AKT3: variants seen among roughly 807,000 people sequenced by gnomAD.
The protein encoded by AKT3 is AKT serine/threonine kinase 3.
Under a neutral mutation model 65.3 loss-of-function variants are expected in AKT3, and 15 were observed. The observed-to-expected ratio is 0.23, with a 90% confidence interval of 0.15 to 0.35. The LOEUF (loss-of-function observed/expected upper bound fraction) is 0.35, where lower values mean the gene tolerates loss of function less well. Ranked by LOEUF, AKT3 falls within the 10% of genes least tolerant of loss-of-function variation. The pLI is 1.00. For synonymous variants in AKT3, 206 were observed against 183.8 expected, an observed-to-expected ratio of 1.12 and a Z score of -0.98; for missense variants, 243 against 576.5, an observed-to-expected ratio of 0.42 and a Z score of 5.92.
At chr1:243,842,337 C>T (rs1463094376) in intron 2 of AKT3, among the ~76,000 whole-genome samples, 1 of 152,122 alleles carries the variant, frequency 6.6e-6, no homozygotes, top group African/African-American at 2.4e-5. Context: ...ATGGAACAGT[C>T]CTCATCCTAC....
chr1:243,614,827 T>C (rs193280389), intron 7 of AKT3, among the ~76,000 whole-genome samples: 219 of 152,236 alleles, frequency 1.4e-3, no homozygotes, highest in Non-Finnish European at 2.3e-3. Flanking sequence ...ATTAACTCTA[T>C]GGTTTGTTTT....
At chr1:243,626,243 A>G (rs1467663261) in intron 6 of AKT3, among the ~76,000 whole-genome samples, 1 of 152,188 alleles carries the variant, frequency 6.6e-6, no homozygotes, top group Non-Finnish European at 1.5e-5. Context: ...CTGAATCACA[A>G]GTGAATGGGT....
chr1:243,727,423 G>A (rs1316884572), intron 2 of AKT3, among the ~76,000 whole-genome samples: 1 of 151,942 alleles, frequency 6.6e-6, no homozygotes, highest in Non-Finnish European at 1.5e-5. Context: ...GGGACTTCAG[G>A]CATGCACTAC....
chr1:243,610,788 G>C (rs200009087), intron 8 of AKT3, among the ~76,000 whole-genome samples: 1 of 152,088 alleles, frequency 6.6e-6, no homozygotes, highest in Admixed American at 6.5e-5. Context: ...ACATGTTTAC[G>C]GTCTAATTTT....
At chr1:243,659,697 G>A (rs1338557015) in intron 4 of AKT3, among the ~76,000 whole-genome samples, 2 of 152,128 alleles carry the variant, frequency 1.3e-5, no homozygotes, top group Non-Finnish European at 2.9e-5. Flanking sequence ...GAAAAAAATA[G>A]AGTCCACCCT....
At chr1:243,675,329 A>G (rs554375585) in intron 3 of AKT3, among the ~76,000 whole-genome samples, 18 of 152,102 alleles carry the variant, frequency 1.2e-4, no homozygotes, top group Non-Finnish European at 2.6e-4. Context: ...CCTCCTGAGT[A>G]ACTGGGATTA....
At chr1:243,664,944 T>C in intron 3 of AKT3, 61 bp from the exon 4 acceptor site, 7 of 986,772 alleles carry the variant, frequency 7.1e-6, no homozygotes, top group South Asian at 3.4e-5. Flanking sequence ...AAGTAAATAA[T>C]TGAGAACTAC....
At chr1:243,540,846 C>G (rs1273746033) in intron 12 of AKT3, among the ~76,000 whole-genome samples, 1 of 152,048 alleles carries the variant, frequency 6.6e-6, no homozygotes, top group East Asian at 1.9e-4. Context: ...GAGGAATGTC[C>G]CTCCCTGTGA....
intron 2 of AKT3, among the ~76,000 whole-genome samples, chr1:243,762,359 C>T (rs1220883422): frequency 2.0e-5 from 3 of 152,006 alleles, no homozygotes; most frequent in African/African-American, 4.8e-5. Flanking sequence ...AGCTAACACA[C>T]ATTTTTCAGA....
intron 6 of AKT3, among the ~76,000 whole-genome samples, chr1:243,634,147 T>A (rs1679805688): frequency 6.6e-6 from 1 of 152,096 alleles, no homozygotes; most frequent in Non-Finnish European, 1.5e-5. Context: ...ATGCACATCT[T>A]CCCATATACT....
intron 2 of AKT3, among the ~76,000 whole-genome samples, chr1:243,701,544 A>G (rs982848610): frequency 6.6e-6 from 1 of 152,100 alleles, no homozygotes; most frequent in Admixed American, 6.6e-5. Flanking sequence ...CTATAAAACC[A>G]TAGCACTATT....
At position 243,843,267 on chromosome 1, in the gene AKT3, C is replaced by A. The variant is rs1320225109; in HGVS notation, c.-97G>T. 1.4e-6 allele frequency: 2 copies of A among 1,477,414 alleles called. No homozygotes were observed. Among genetic ancestry groups the A allele is most frequent in the Non-Finnish European group, 9.0e-7 (1 of 1,107,728 alleles). 91.5% of individuals were successfully genotyped at this position (1,477,414 alleles called of 1,614,324 possible). A position where few individuals can be genotyped will look rare whatever the true frequency, so the allele number is the denominator to read the frequency against. Reference sequence around the variant, plus strand: ...CTGCTGCTGCTGCCCTTCCCACTCTCTAGTGATGACTCAGCCTGGAAGGAA... The same window carrying A: ...CTGCTGCTGCTGCCCTTCCCACTCTATAGTGATGACTCAGCCTGGAAGGAA... On this transcript the variant is annotated 5_prime_UTR_variant, in exon 2 of 14. Transcript: ENST00000673466.
chr1:243,760,114 T>C (rs1349557327), intron 2 of AKT3, among the ~76,000 whole-genome samples: 1 of 152,062 alleles, frequency 6.6e-6, no homozygotes, highest in Non-Finnish European at 1.5e-5. Context: ...ATAACTTTAC[T>C]CAAGGCTTCA....
chr1:243,576,397 A>G (rs1674944094), intron 8 of AKT3, among the ~76,000 whole-genome samples: 1 of 152,196 alleles, frequency 6.6e-6, no homozygotes, highest in Non-Finnish European at 1.5e-5. Context: ...GCAATCAGGC[A>G]AGAGAAAAAA....
Position 243,843,455 on chromosome 1 carries a change from C to A in AKT3, c.-112-173G>T, listed in dbSNP as rs6679386. On this transcript the variant is annotated intron_variant, in intron 1 of 13. Transcript: ENST00000673466. ...ATAGTTCTATAATGAAAGCACTTCC[C>A]TAGTCTTGTGACCAATTTCAAATGA... The A allele has an allele frequency of 1.4e-3, 1,511 of 1,079,644 alleles. 15 individuals carry two copies. In the African/African-American group the frequency reaches 0.022, roughly 16 times the overall value. The allele number at this position is 1,079,644 out of a possible 1,614,324, so 66.9% of individuals were successfully genotyped here.
chr1:243,600,674 A>AG, intron 8 of AKT3, among the ~76,000 whole-genome samples: 1 of 152,144 alleles, frequency 6.6e-6, no homozygotes, highest in Non-Finnish European at 1.5e-5. Flanking sequence ...TGGCTCATAG[A>AG]CCTAAATGCA....
At chr1:243,848,258 G>A (rs1017836598) in intron 1 of AKT3, among the ~76,000 whole-genome samples, 3 of 152,078 alleles carry the variant, frequency 2.0e-5, no homozygotes, top group Admixed American at 1.3e-4. Flanking sequence ...TATCTCCTTG[G>A]TAAACTTTCC....
At chr1:243,724,754 G>A (rs1687108498) in intron 2 of AKT3, among the ~76,000 whole-genome samples, 1 of 152,028 alleles carries the variant, frequency 6.6e-6, no homozygotes, top group Non-Finnish European at 1.5e-5. Context: ...TATCTCCTGG[G>A]AGAAAAAACT....
intron 2 of AKT3, among the ~76,000 whole-genome samples, chr1:243,697,638 G>A (rs544699878): frequency 3.3e-5 from 5 of 152,040 alleles, no homozygotes; most frequent in South Asian, 2.1e-4. Flanking sequence ...CTGGCTTATC[G>A]TGCTATGCTG....
Sources: allele counts gnomAD v4.1 joint callset (sites outside exome capture counted in the v4.1 genomes callset), GRCh38; gene constraint gnomAD v4.1.1; transcripts MANE v1.5; gene names NCBI Gene and HGNC (gene_info 2026-07-23, HGNC 2026-07-21).